The following TRIOBP variants were observed in gnomAD, a reference collection of about 807,000 sequenced individuals.
TRIOBP encodes TRIO and F-actin binding protein, also known as TRIO and F-actin-binding protein.
In TRIOBP, 169 loss-of-function variants were observed where a neutral mutation model predicts 238.8. That is an observed-to-expected ratio of 0.71 (90% CI 0.62 to 0.80). The LOEUF is 0.80. TRIOBP is among the 30% of genes least tolerant of loss of function. TRIOBP has a pLI of 0.00. For missense variants in TRIOBP, 2,838 were observed against 3,122.6 expected (o/e 0.91, Z 2.17); for synonymous variants, 1,150 against 1,274.4 (o/e 0.90, Z 2.08).
rs1400804036 is a variant in TRIOBP, at chr22:37,735,280, C to A, written c.4944C>A (p.Ser1648=). The change falls in exon 9 of 24, where the codon TCC becomes TCA. Residue 1648 remains serine (S), a synonymous_variant. Coordinates refer to ENST00000644935, the MANE Select transcript of TRIOBP (RefSeq NM_001039141.3). ...ATGGACACAGCCCCGCACTGCAGTC[C>A]CAGAGCCCGGTCCAGCTGCCCAGCC... ...PVNGHSPALQ[S]QSPVQLPSPA... The A allele has an allele frequency of 1.2e-6, 2 of 1,609,730 alleles. No homozygotes were observed. Among genetic ancestry groups the A allele is most frequent in the Non-Finnish European group, 8.5e-7 (1 of 1,176,930 alleles).
At position 37,746,314 on chromosome 22, in the gene TRIOBP, G is replaced by A. The variant is rs1279251623; in HGVS notation, c.5322+5282G>A. Reference sequence around the variant, plus strand: ...GCGCGGCGGCGGGCGGCCGAGAGGGGCGGCGGCGGCGGCGGCGGCGGGGTT... The same window carrying A: ...GCGCGGCGGCGGGCGGCCGAGAGGGACGGCGGCGGCGGCGGCGGCGGGGTT... On this transcript the variant is annotated intron_variant, in intron 11 of 23. Coordinates refer to ENST00000644935, the MANE Select transcript of TRIOBP (RefSeq NM_001039141.3). 3.9e-6 allele frequency: 4 copies of A among 1,028,698 alleles called. No homozygotes were observed. The South Asian group carries it at 1.4e-4, about 35-fold the overall frequency. 63.7% of individuals were successfully genotyped at this position (1,028,698 alleles called of 1,614,324 possible). A position where few individuals can be genotyped will look rare whatever the true frequency, so the allele number is the denominator to read the frequency against.
chr22:37,707,533 C>T (rs749115524), intron 3 of TRIOBP, among the ~76,000 whole-genome samples: 24 of 152,098 alleles, frequency 1.6e-4, no homozygotes, highest in Admixed American at 6.6e-5. Context: ...CACAGGTCTC[C>T]AGGGACCAAA....
rs1239027694 is a variant in TRIOBP at position 37,725,160 on chromosome 22, AT to A, written c.2605del (p.Ser869LeufsTer10). The A allele has an allele frequency of 6.2e-7, 1 of 1,614,050 alleles. No individual in the cohort carries two copies. Among genetic ancestry groups the A allele is most frequent in the Non-Finnish European group, 8.5e-7 (1 of 1,179,986 alleles). On this transcript the variant is annotated frameshift_variant, in exon 7 of 24. Coordinates refer to ENST00000644935, the MANE Select transcript of TRIOBP (RefSeq NM_001039141.3). LOFTEE classifies it high-confidence loss of function. ...FQRDNPGTSSSQCCTQKENLR... is the reference protein window; with the variant it reads ...FQRDNPGTSSXQCCTQKENLR... Reference sequence around the variant, plus strand: ...AACGAGACAACCCTGGAACCTCCTCATCTCAATGCTGCACCCAAAAGGAGAA... The same window carrying A: ...AACGAGACAACCCTGGAACCTCCTCACTCAATGCTGCACCCAAAAGGAGAA...
At chr22:37,764,965 T>G (rs1443612897) in intron 17 of TRIOBP, among the ~76,000 whole-genome samples, 1 of 152,128 alleles carries the variant, frequency 6.6e-6, no homozygotes, top group East Asian at 1.9e-4. Context: ...GTCAGTAAAT[T>G]ACCCAGGGAG....
chr22:37,710,598 T>C, intron 4 of TRIOBP, 32 bp downstream of exon 4: 1 of 1,597,994 alleles, frequency 6.3e-7, no homozygotes. Flanking sequence ...AGGAAGGGCT[T>C]CATGGGGTGG....
At chr22:37,718,558 A>AGGGGGG (rs1923657909) in intron 6 of TRIOBP, among the ~76,000 whole-genome samples, 3 of 148,526 alleles carry the variant, frequency 2.0e-5, no homozygotes, top group African/African-American at 7.5e-5. Flanking sequence ...GCATGGGGTC[A>AGGGGGG]GGGGAGGGGA....
intron 11 of TRIOBP, chr22:37,746,243 C>A (rs890466216): frequency 1.2e-5 from 12 of 1,040,578 alleles, no homozygotes; most frequent in African/African-American, 1.9e-5. Context: ...GTTTTATGGG[C>A]GGATGGAAGG....
chr22:37,704,849 T>C (rs1290995301), intron 3 of TRIOBP, among the ~76,000 whole-genome samples: 1 of 150,468 alleles, frequency 6.6e-6, no homozygotes, highest in Admixed American at 6.6e-5. Context: ...GGAAGATCAC[T>C]TGAACTCAGG....
chr22:37,755,799 C>G, intron 15 of TRIOBP, 140 bp downstream of exon 15: 1 of 741,040 alleles, frequency 1.3e-6, no homozygotes. Flanking sequence ...GAGTAGTGAG[C>G]ATTCTCGGTA....
intron 3 of TRIOBP, among the ~76,000 whole-genome samples, chr22:37,707,562 C>T (rs1411577171): frequency 6.6e-6 from 1 of 151,986 alleles, no homozygotes; most frequent in East Asian, 1.9e-4. Context: ...ATTTTTCCTC[C>T]AAGGATTCTG....
chr22:37,699,628 G>A (rs1016251928), intron 2 of TRIOBP, among the ~76,000 whole-genome samples: 3 of 151,760 alleles, frequency 2.0e-5, no homozygotes, highest in Non-Finnish European at 2.9e-5. Context: ...TGCAACCTCC[G>A]CCTCCTGGGT....
chr22:37,733,470 C>A, intron 8 of TRIOBP, 58 bp downstream of exon 8: 1 of 1,341,222 alleles, frequency 7.5e-7, no homozygotes, highest in Non-Finnish European at 1.0e-6. Context: ...CTGCCTCTTC[C>A]CTCCCGCTAG....
At chr22:37,764,396 T>C (rs928479911) in intron 17 of TRIOBP, among the ~76,000 whole-genome samples, 1 of 152,212 alleles carries the variant, frequency 6.6e-6, no homozygotes, top group Non-Finnish European at 1.5e-5. Context: ...CACCACCTCA[T>C]TTTGGGATCT....
chr22:37,761,905 C>T (rs772778720), intron 17 of TRIOBP, among the ~76,000 whole-genome samples: 2 of 151,698 alleles, frequency 1.3e-5, no homozygotes, highest in African/African-American at 2.4e-5. Flanking sequence ...GGGGGCCCAA[C>T]ACCCCAGCTG....
At position 37,701,380 on chromosome 22, in the gene TRIOBP, T is replaced by A. The variant is rs538334879; in HGVS notation, c.15T>A (p.Pro5=). MEEV[P]GDALCEHFEA... ...ACTCACCCAATATGGAGGAGGTGCC[T>A]GGGGATGCCCTGTGTGAACACTTTG... Residue 5 remains proline (P), a synonymous_variant, in exon 3 of 24, where the codon CCT becomes CCA. Transcript: ENST00000644935. 2 of 1,613,326 alleles carry A rather than the reference T, an allele frequency of 1.2e-6. No homozygotes were observed. Among genetic ancestry groups the A allele is most frequent in the Non-Finnish European group, 1.7e-6 (2 of 1,179,760 alleles).
rs779347884 is a variant in TRIOBP at position 37,758,051 on chromosome 22, G to A, written c.6126G>A (p.Lys2042=). The A allele has an allele frequency of 6.2e-7, 1 of 1,612,084 alleles. No homozygotes were observed. The highest frequency in any genetic ancestry group is 8.5e-7 in the Non-Finnish European group (1 of 1,179,820). ...ELEKLPLREN[K]RVPLTALLNQ... is the part of the protein sequence containing the mutation. ...AGAAGCTGCCCCTGCGGGAGAATAA[G>A]CGGGTGCCCCTCACTGCCCTGCTCA... Residue 2042 remains lysine (K), a synonymous_variant, in exon 16 of 24, where the codon AAG becomes AAA. Coordinates refer to ENST00000644935, the MANE Select transcript of TRIOBP (RefSeq NM_001039141.3).
Position 37,700,441 on chromosome 22 carries a change from C to G in TRIOBP, c.-60-865C>G, listed in dbSNP as rs368014514. Reference sequence around the variant, plus strand: ...TGCAGGTGCACACCATCTTACCCAGCTGAAATCTGCTTTTTTTTTTTCTCA... The same window carrying G: ...TGCAGGTGCACACCATCTTACCCAGGTGAAATCTGCTTTTTTTTTTTCTCA... On this transcript the variant is annotated intron_variant, in intron 2 of 23. Coordinates refer to ENST00000644935, the MANE Select transcript of TRIOBP (RefSeq NM_001039141.3). Among the ~76,000 whole-genome samples, 196 of 151,706 alleles carry G rather than the reference C, an allele frequency of 1.3e-3. 1 individual carries two copies. In the South Asian group the frequency reaches 0.04, roughly 31 times the overall value.
chr22:37,767,034 C>G (rs1569062486), intron 18 of TRIOBP, among the ~76,000 whole-genome samples: 1 of 150,306 alleles, frequency 6.7e-6, no homozygotes, highest in African/African-American at 2.5e-5. Flanking sequence ...AGGTGCATCA[C>G]GAGGTCAGGA....
chr22:37,717,120 C>T (rs1285896009), intron 6 of TRIOBP, among the ~76,000 whole-genome samples: 2 of 152,074 alleles, frequency 1.3e-5, no homozygotes, highest in Non-Finnish European at 1.5e-5. Context: ...CTGGTGGGTT[C>T]GCGGTCTCGC....
Sources: gnomAD v4.1 joint callset for allele counts (sites outside exome capture counted in the v4.1 genomes callset) on GRCh38, gnomAD v4.1.1 for gene constraint, MANE v1.5 for transcripts, NCBI Gene and HGNC (gene_info 2026-07-23, HGNC 2026-07-21) for gene names.